The following DOCK4 variants were observed in gnomAD, a reference collection of about 807,000 sequenced individuals.
DOCK4 encodes the protein dedicator of cytokinesis 4.
A neutral mutation model predicts 268.1 loss-of-function variants in DOCK4; 97 were observed. The ratio of observed to expected loss-of-function variants is 0.36; its 90% CI spans 0.31 to 0.43. DOCK4 has a LOEUF of 0.43. Among genes scored for constraint, DOCK4 ranks in the 20% least tolerant of loss-of-function variants. The probability of loss-of-function intolerance (pLI) is 1.00; values close to 1 mark genes in which losing one functional copy is unlikely to be tolerated. For synonymous variants in DOCK4, 954 were observed against 887.2 expected (o/e 1.08, Z -1.34); for missense variants, 2,145 against 2,455.7 (o/e 0.87, Z 2.67).
At chr7:111,836,861 A>G (rs1253060460) in intron 25 of DOCK4, among the ~76,000 whole-genome samples, 7 of 150,560 alleles carry the variant, frequency 4.6e-5, no homozygotes, top group Non-Finnish European at 1.0e-4. Context: ...TGAAATAAAA[A>G]GAAAAACAGA....
intron 1 of DOCK4, among the ~76,000 whole-genome samples, chr7:112,094,617 G>GT (rs554230288): frequency 1.3e-5 from 2 of 152,096 alleles, no homozygotes; most frequent in South Asian, 4.1e-4. Context: ...AACAAAGAAA[G>GT]TTTTGAAACT....
intron 6 of DOCK4, among the ~76,000 whole-genome samples, chr7:111,985,584 C>T (rs1798990058): frequency 6.6e-6 from 1 of 152,190 alleles, no homozygotes; most frequent in African/African-American, 2.4e-5. Flanking sequence ...GCCCCAGCCA[C>T]CCTGAGGGCT....
chr7:112,137,674 C>T (rs1252223275), intron 1 of DOCK4, among the ~76,000 whole-genome samples: 1 of 152,064 alleles, frequency 6.6e-6, no homozygotes, highest in African/African-American at 2.4e-5. Flanking sequence ...ATAAGGTTGG[C>T]CTAACCCTTC....
chr7:112,072,999 G>T (rs1788911194), intron 1 of DOCK4, among the ~76,000 whole-genome samples: 1 of 152,162 alleles, frequency 6.6e-6, no homozygotes, highest in Non-Finnish European at 1.5e-5. Flanking sequence ...AATCAGGGGA[G>T]AAGGGATCAC....
intron 1 of DOCK4, among the ~76,000 whole-genome samples, chr7:112,166,268 C>T (rs1344773367): frequency 6.6e-6 from 1 of 151,612 alleles, no homozygotes; most frequent in African/African-American, 2.4e-5. Flanking sequence ...CTTTTTTTAC[C>T]AAAAGAAAAA....
At chr7:111,885,558 T>C (rs1425060709) in intron 16 of DOCK4, among the ~76,000 whole-genome samples, 1 of 152,178 alleles carries the variant, frequency 6.6e-6, no homozygotes, top group East Asian at 1.9e-4. Flanking sequence ...GAAGAATTAA[T>C]GAAGCCATTT....
chr7:111,862,603 G>C (rs147709871), intron 23 of DOCK4, among the ~76,000 whole-genome samples: 2 of 142,720 alleles, frequency 1.4e-5, no homozygotes, highest in Non-Finnish European at 3.0e-5. Flanking sequence ...CAACTCTCCC[G>C]CCTCAGCCTC....
chr7:111,732,335 A>AT, intron 51 of DOCK4, 48 bp from the exon 52 acceptor site: 1 of 1,591,092 alleles, frequency 6.3e-7, no homozygotes, highest in South Asian at 1.1e-5. Flanking sequence ...AAACCAGACG[A>AT]TTGACTATCT....
intron 1 of DOCK4, among the ~76,000 whole-genome samples, chr7:112,065,276 G>A (rs1312224419): frequency 6.6e-6 from 1 of 151,892 alleles, no homozygotes; most frequent in Non-Finnish European, 1.5e-5. Flanking sequence ...GGCTTGGAGT[G>A]CCATTTCTCA....
chr7:111,960,956 T>C (rs1401590449), intron 8 of DOCK4, among the ~76,000 whole-genome samples: 1 of 152,228 alleles, frequency 6.6e-6, no homozygotes, highest in Non-Finnish European at 1.5e-5. Flanking sequence ...TGACTCCATA[T>C]CTTAGCTATT....
At chr7:111,736,161 A>T (rs1186479198) in intron 50 of DOCK4, among the ~76,000 whole-genome samples, 3 of 152,174 alleles carry the variant, frequency 2.0e-5, no homozygotes. Flanking sequence ...CCAAATGACA[A>T]TAGTTTACTT....
chr7:111,850,236 G>C (rs1453468135), intron 23 of DOCK4, among the ~76,000 whole-genome samples: 10 of 152,012 alleles, frequency 6.6e-5, no homozygotes, highest in Admixed American at 6.6e-4. Context: ...GGTGATGTCT[G>C]ATCACCTTGC....
chr7:112,174,670 C>A (rs774353943), intron 1 of DOCK4, among the ~76,000 whole-genome samples: 1 of 151,982 alleles, frequency 6.6e-6, no homozygotes, highest in Non-Finnish European at 1.5e-5. Flanking sequence ...GTTCTAATCA[C>A]CACCTTAGGA....
intron 2 of DOCK4, among the ~76,000 whole-genome samples, chr7:112,002,883 C>T (rs1800542450): frequency 6.6e-6 from 1 of 151,796 alleles, no homozygotes; most frequent in Non-Finnish European, 1.5e-5. Context: ...AATCCCATCT[C>T]TACTAAAAAT....
At chr7:111,741,984 C>A (rs1445050397) in intron 45 of DOCK4, 29 bp downstream of exon 45, 1 of 1,532,682 alleles carries the variant, frequency 6.5e-7, no homozygotes, top group East Asian at 2.3e-5. Context: ...GATCAGGCTG[C>A]CCCGCCATGG....
intron 12 of DOCK4, among the ~76,000 whole-genome samples, chr7:111,934,654 G>A (rs540603237): frequency 6.7e-5 from 10 of 148,490 alleles, no homozygotes; most frequent in East Asian, 2.0e-4. Flanking sequence ...CTCAGCCTCC[G>A]GAGTAGCTGG....
intron 8 of DOCK4, among the ~76,000 whole-genome samples, chr7:111,974,720 C>T (rs1798036354): frequency 6.6e-6 from 1 of 151,790 alleles, no homozygotes. Flanking sequence ...CAGCTCCTGG[C>T]TTGAACTTGG....
intron 1 of DOCK4, among the ~76,000 whole-genome samples, chr7:112,101,134 T>C (rs1810639826): frequency 1.3e-5 from 2 of 152,342 alleles, no homozygotes; most frequent in South Asian, 4.1e-4. Flanking sequence ...ATGGGAATTA[T>C]AATGGTCAAC....
intron 17 of DOCK4, among the ~76,000 whole-genome samples, chr7:111,873,420 C>T (rs919856140): frequency 2.0e-5 from 3 of 152,178 alleles, no homozygotes; most frequent in African/African-American, 7.2e-5. Flanking sequence ...ACTGAAGGCT[C>T]GCGTGTGCCG....
Sources: allele counts gnomAD v4.1 joint callset (sites outside exome capture counted in the v4.1 genomes callset), GRCh38; gene constraint gnomAD v4.1.1; transcripts MANE v1.5; gene names NCBI Gene and HGNC (gene_info 2026-07-23, HGNC 2026-07-21).